Variants in CTNNA2 observed in about 807,000 individuals in gnomAD.
The protein encoded by CTNNA2 is catenin alpha-2.
A neutral mutation model predicts 101.0 loss-of-function variants in CTNNA2; 42 were observed. The ratio of observed to expected loss-of-function variants is 0.42; its 90% CI spans 0.32 to 0.54. The LOEUF is 0.54. Among genes scored for constraint, CTNNA2 ranks in the 20% least tolerant of loss-of-function variants. CTNNA2 has a pLI of 0.14. For synonymous variants in CTNNA2, 450 were observed against 456.4 expected (o/e 0.99, Z 0.18); for missense variants, 871 against 1,223.1 (o/e 0.71, Z 4.29).
chr2:79,306,045 C>CAAAAAA (rs60219150), intron 2 of CTNNA2, among the ~76,000 whole-genome samples: 11,380 of 79,134 alleles, frequency 0.14, 670 homozygotes, highest in Middle Eastern at 0.24. Flanking sequence ...GACACCATTT[C>CAAAAAA]AAAAAAAAAA....
intron 3 of CTNNA2, among the ~76,000 whole-genome samples, chr2:79,330,387 A>T (rs1213032176): frequency 6.6e-6 from 1 of 152,162 alleles, no homozygotes; most frequent in Non-Finnish European, 1.5e-5. Context: ...AGATGAAGGC[A>T]GAAGGACAGT....
chr2:79,997,509 C>A (rs950750910), intron 7 of CTNNA2, among the ~76,000 whole-genome samples: 1 of 152,170 alleles, frequency 6.6e-6, no homozygotes, highest in African/African-American at 2.4e-5. Flanking sequence ...GGCATAAACT[C>A]TTGAAGCTGA....
chr2:80,459,282 G>A (rs577408594), intron 9 of CTNNA2, among the ~76,000 whole-genome samples: 1 of 152,050 alleles, frequency 6.6e-6, no homozygotes, highest in African/African-American at 2.4e-5. Context: ...CATTAGAAAA[G>A]CTCCCTACGT....
chr2:80,217,458 G>A (rs990933569), intron 7 of CTNNA2, among the ~76,000 whole-genome samples: 1 of 151,810 alleles, frequency 6.6e-6, no homozygotes, highest in Non-Finnish European at 1.5e-5. Flanking sequence ...TTTAAAATGG[G>A]CCTAATGCCT....
At chr2:79,868,223 A>G (rs2104012339) in intron 4 of CTNNA2, among the ~76,000 whole-genome samples, 1 of 152,300 alleles carries the variant, frequency 6.6e-6, no homozygotes, top group South Asian at 2.1e-4. Flanking sequence ...GGAAAAAAAG[A>G]AGACGCATGC....
intron 7 of CTNNA2, among the ~76,000 whole-genome samples, chr2:80,038,640 G>C (rs2104251920): frequency 6.6e-6 from 1 of 152,266 alleles, no homozygotes; most frequent in South Asian, 2.1e-4. Flanking sequence ...GAGGTCAGGA[G>C]TTCGAGACCA....
rs991540982 is a variant in CTNNA2 at position 79,829,742 on chromosome 2, C to T, written c.299-28271C>T. ...TTTATTTATTTATTTATTTTTGAGA[C>T]GGAGTCTCGCTCTGTCGCCCAGGCT... On this transcript the variant is annotated intron_variant, in intron 3 of 18. Coordinates refer to ENST00000402739, the MANE Select transcript of CTNNA2 (RefSeq NM_001282597.3). Among the ~76,000 whole-genome samples, 3 of 144,888 alleles carry T rather than the reference C, an allele frequency of 2.1e-5. No individual in the cohort carries two copies. In the East Asian group the frequency reaches 6.3e-4, roughly 31 times the overall value.
chr2:80,548,079 A>G (rs1378989967), intron 11 of CTNNA2, among the ~76,000 whole-genome samples: 1 of 152,266 alleles, frequency 6.6e-6, no homozygotes, highest in East Asian at 1.9e-4. Context: ...TGAATCTCTC[A>G]TAAGGTATTT....
chr2:80,395,503 A>T (rs969125968), intron 8 of CTNNA2, among the ~76,000 whole-genome samples: 2 of 152,232 alleles, frequency 1.3e-5, no homozygotes, highest in South Asian at 4.1e-4. Flanking sequence ...CTCCCCATGT[A>T]CACCTGTAGT....
chr2:80,368,663 G>A (rs1675156032), intron 7 of CTNNA2, among the ~76,000 whole-genome samples: 1 of 151,702 alleles, frequency 6.6e-6, no homozygotes, highest in South Asian at 2.1e-4. Context: ...TCTGGGAGAT[G>A]TCAAATTTTC....
At chr2:80,219,395 A>G (rs1708446663) in intron 7 of CTNNA2, among the ~76,000 whole-genome samples, 1 of 152,248 alleles carries the variant, frequency 6.6e-6, no homozygotes, top group South Asian at 2.1e-4. Flanking sequence ...CAATGTTCCT[A>G]TAGCATTTAA....
chr2:80,422,147 G>A (rs1328097811), intron 9 of CTNNA2, among the ~76,000 whole-genome samples: 1 of 152,168 alleles, frequency 6.6e-6, no homozygotes, highest in African/African-American at 2.4e-5. Flanking sequence ...TTACACATAT[G>A]TGGGGAGGCC....
chr2:80,318,276 G>C (rs538279949), intron 7 of CTNNA2, among the ~76,000 whole-genome samples: 6 of 152,098 alleles, frequency 3.9e-5, no homozygotes, highest in Admixed American at 3.3e-4. Context: ...AATTAAGAGA[G>C]CATTTTAAGT....
At chr2:80,263,213 G>A (rs1042337101) in intron 7 of CTNNA2, among the ~76,000 whole-genome samples, 8 of 151,942 alleles carry the variant, frequency 5.3e-5, no homozygotes, top group Non-Finnish European at 8.8e-5. Context: ...CGGCAGATTG[G>A]GTATGAGAAC....
intron 1 of CTNNA2, among the ~76,000 whole-genome samples, chr2:79,527,805 A>T (rs1427307910): frequency 1.3e-5 from 2 of 152,190 alleles, no homozygotes; most frequent in Non-Finnish European, 2.9e-5. Flanking sequence ...CAACAATTCT[A>T]TTCTTAGATG....
intron 9 of CTNNA2, among the ~76,000 whole-genome samples, chr2:80,465,365 G>C (rs1157040138): frequency 6.6e-6 from 1 of 151,586 alleles, no homozygotes; most frequent in African/African-American, 2.4e-5. Flanking sequence ...TGACTATGTA[G>C]TCAGTGTTTA....
At chr2:80,553,270 A>G (rs1181915953) in intron 11 of CTNNA2, among the ~76,000 whole-genome samples, 1 of 152,016 alleles carries the variant, frequency 6.6e-6, no homozygotes, top group African/African-American at 2.4e-5. Context: ...CAATTAGTAA[A>G]TTATAAAACT....
At chr2:79,328,141 C>A (rs561423971) in intron 3 of CTNNA2, among the ~76,000 whole-genome samples, 1 of 152,204 alleles carries the variant, frequency 6.6e-6, no homozygotes, top group South Asian at 2.1e-4. Context: ...CAGAGTAGGC[C>A]TTAAAAGATC....
intron 4 of CTNNA2, among the ~76,000 whole-genome samples, chr2:79,389,649 C>G (rs1352714940): frequency 6.6e-6 from 1 of 152,126 alleles, no homozygotes; most frequent in Non-Finnish European, 1.5e-5. Flanking sequence ...AATGAGGAAG[C>G]TGATCTCAGT....
Sources: allele counts gnomAD v4.1 joint callset (sites outside exome capture counted in the v4.1 genomes callset), GRCh38; gene constraint gnomAD v4.1.1; transcripts MANE v1.5; gene names NCBI Gene and HGNC (gene_info 2026-07-23, HGNC 2026-07-21).